Variants in ACTR3C observed in about 807,000 individuals in gnomAD.
The protein encoded by ACTR3C is actin related protein 3C.
Under a neutral mutation model 26.3 loss-of-function variants are expected in ACTR3C, and 18 were observed. The ratio of observed to expected loss-of-function variants is 0.68; its 90% confidence interval spans 0.47 to 1.01. The LOEUF (loss-of-function observed/expected upper bound fraction) is 1.01, where lower values mean the gene tolerates loss of function less well. Ranked by LOEUF, ACTR3C falls within the 50% of genes least tolerant of loss-of-function variation. The probability of loss-of-function intolerance (pLI) is 0.00; values close to 1 mark genes in which losing one functional copy is unlikely to be tolerated. For missense variants in ACTR3C, 184 were observed against 250.7 expected, an observed-to-expected ratio of 0.73 and a Z score of 1.80; for synonymous variants, 55 against 94.5, an observed-to-expected ratio of 0.58 and a Z score of 2.42.
At chr7:149,942,604 C>T in the ACTR3C span, among the ~76,000 whole-genome samples, 6 of 150,284 alleles carry the variant, frequency 4.0e-5, no homozygotes, top group Admixed American at 6.6e-5. Flanking sequence ...AAAAGGTTAG[C>T]ACCCATCAGT....
At chr7:150,095,792 T>A in the ACTR3C span, among the ~76,000 whole-genome samples, 1 of 150,580 alleles carries the variant, frequency 6.6e-6, no homozygotes, top group African/African-American at 2.5e-5. Context: ...ATATTAGGAG[T>A]AATGAACCTT....
chr7:150,133,420 C>T, the ACTR3C span, among the ~76,000 whole-genome samples: 1 of 152,126 alleles, frequency 6.6e-6, no homozygotes, highest in Non-Finnish European at 1.5e-5. Context: ...CTTGTTCATG[C>T]TCCGGCCTCT....
the ACTR3C span, among the ~76,000 whole-genome samples, chr7:150,112,801 C>T: frequency 2.0e-5 from 3 of 152,148 alleles, no homozygotes; most frequent in Admixed American, 6.5e-5. Flanking sequence ...TTCCAGGGTT[C>T]AGGTCCTGGT....
the ACTR3C span, chr7:150,041,431 A>G: frequency 6.5e-6 from 1 of 153,740 alleles, no homozygotes; most frequent in Non-Finnish European, 1.4e-5. Context: ...TGAACGTTCT[A>G]CTTGGACACC....
the ACTR3C span, among the ~76,000 whole-genome samples, chr7:149,899,084 A>G: frequency 1.3e-4 from 19 of 151,764 alleles, 1 homozygote; most frequent in Admixed American, 3.9e-4. Context: ...GGCAATAATG[A>G]AGTGGTATCC....
chr7:150,107,821 G>A, the ACTR3C span, among the ~76,000 whole-genome samples: 1 of 151,562 alleles, frequency 6.6e-6, no homozygotes, highest in Non-Finnish European at 1.5e-5. Flanking sequence ...TATGAGGGAT[G>A]AGAATTTCAG....
At chr7:150,222,380 G>A in the ACTR3C span, among the ~76,000 whole-genome samples, 1 of 152,198 alleles carries the variant, frequency 6.6e-6, no homozygotes, top group Admixed American at 6.5e-5. Flanking sequence ...ACCTTTCCAC[G>A]TGAGGAAACT....
chr7:150,150,264 T>C, the ACTR3C span, among the ~76,000 whole-genome samples: 1 of 152,232 alleles, frequency 6.6e-6, no homozygotes, highest in Non-Finnish European at 1.5e-5. Context: ...GAATTTTATA[T>C]TTCCCCATAT....
the ACTR3C span, among the ~76,000 whole-genome samples, chr7:150,019,516 C>A: frequency 6.6e-6 from 1 of 150,378 alleles, no homozygotes; most frequent in Non-Finnish European, 1.5e-5. Flanking sequence ...TGCTTGAACC[C>A]GGGAGGCAGA....
At chr7:149,983,099 T>C in the ACTR3C span, among the ~76,000 whole-genome samples, 13,790 of 152,166 alleles carry the variant, frequency 0.091, 781 homozygotes, top group Non-Finnish European at 0.13. Context: ...TCTTACCTTA[T>C]GCTGTACATA....
chr7:150,164,200 T>C, the ACTR3C span, among the ~76,000 whole-genome samples: 11 of 152,174 alleles, frequency 7.2e-5, no homozygotes, highest in Non-Finnish European at 1.5e-4. Context: ...CTCACAGACG[T>C]GGAACCCAGC....
the ACTR3C span, among the ~76,000 whole-genome samples, chr7:150,092,395 C>G: frequency 5.9e-5 from 9 of 151,598 alleles, 2 homozygotes; most frequent in African/African-American, 1.5e-4. Flanking sequence ...CCACACAGCC[C>G]TGGTGCCAGA....
the ACTR3C span, among the ~76,000 whole-genome samples, chr7:150,119,169 ACT>A: frequency 1.2e-4 from 19 of 152,222 alleles, no homozygotes; most frequent in Admixed American, 1.2e-3. Context: ...CTATGAAGAA[ACT>A]GCATCAACTA....
chr7:150,259,798 G>C (rs1305259934), intron 6 of ACTR3C, among the ~76,000 whole-genome samples: 1 of 152,126 alleles, frequency 6.6e-6, no homozygotes. Context: ...CTTCTCAAAG[G>C]TGCCCCACCT....
chr7:150,133,351 G>A, the ACTR3C span, among the ~76,000 whole-genome samples: 942 of 152,238 alleles, frequency 6.2e-3, 2 homozygotes, highest in Non-Finnish European at 0.01. Flanking sequence ...GTAATTCTAC[G>A]GGTTGTTGTA....
the ACTR3C span, among the ~76,000 whole-genome samples, chr7:150,063,283 C>T: frequency 2.0e-5 from 3 of 150,986 alleles, no homozygotes; most frequent in Admixed American, 6.6e-5. Context: ...TAACAGTGAA[C>T]CCCTGAAAAA....
chr7:150,183,905 T>C, the ACTR3C span, among the ~76,000 whole-genome samples: 2 of 149,862 alleles, frequency 1.3e-5, no homozygotes, highest in South Asian at 4.2e-4. Flanking sequence ...GTGAGGCTCA[T>C]GAGATCTGAT....
At chr7:149,951,322 A>G in the ACTR3C span, among the ~76,000 whole-genome samples, 1 of 143,744 alleles carries the variant, frequency 7.0e-6, no homozygotes, top group African/African-American at 2.9e-5. Flanking sequence ...ACAAAATCCT[A>G]TAAACCTACC....
At chr7:150,161,083 C>G in the ACTR3C span, among the ~76,000 whole-genome samples, 4 of 150,464 alleles carry the variant, frequency 2.7e-5, no homozygotes, top group Non-Finnish European at 5.9e-5. Context: ...CTCCCTGTCC[C>G]CAAAGGCACC....
Sources: gnomAD v4.1 joint callset for allele counts (sites outside exome capture counted in the v4.1 genomes callset) on GRCh38, gnomAD v4.1.1 for gene constraint, MANE v1.5 for transcripts, NCBI Gene and HGNC (gene_info 2026-07-23, HGNC 2026-07-21) for gene names.